The following WIPI2 variants were observed in gnomAD, a reference collection of about 807,000 sequenced individuals.
WIPI2 encodes the protein WD repeat domain phosphoinositide-interacting protein 2.
In WIPI2, 28 loss-of-function variants were observed where a neutral mutation model predicts 52.3. That is an observed-to-expected ratio of 0.54 (90% CI 0.40 to 0.73). The LOEUF is 0.73. Ranked by LOEUF, WIPI2 falls within the 30% of genes least tolerant of loss-of-function variation. The probability of loss-of-function intolerance (pLI) is 0.00; values close to 1 mark genes in which losing one functional copy is unlikely to be tolerated. For missense variants in WIPI2, 506 were observed against 602.9 expected, an observed-to-expected ratio of 0.84 and a Z score of 1.68; for synonymous variants, 268 against 245.0, an observed-to-expected ratio of 1.09 and a Z score of -0.88.
intron 3 of WIPI2, among the ~76,000 whole-genome samples, chr7:5,209,572 G>C (rs185578513): frequency 6.6e-6 from 1 of 152,276 alleles, no homozygotes; most frequent in Admixed American, 6.5e-5. Flanking sequence ...AGTTGAATTG[G>C]AATTTATCAC....
rs1248400441 is a variant in WIPI2, at chr7:5,227,005, C to T, written c.849-175C>T. On this transcript the variant is annotated intron_variant, in intron 9 of 12. Coordinates refer to ENST00000288828, the MANE Select transcript of WIPI2 (RefSeq NM_015610.4). The surrounding 1 kb of genome is among the most constrained non-coding windows in gnomAD (Gnocchi z 8.1). ...CTCCCCCGACACCTCCCAGAGGAAG[C>T]TCCGTGATGCCCCTGGGGCCCTGAG... 1 of 815,486 alleles carries T rather than the reference C, an allele frequency of 1.2e-6. No individual in the cohort carries two copies. The highest frequency in any genetic ancestry group is 2.6e-5 in the East Asian group (1 of 38,140). 50.5% of individuals were successfully genotyped at this position (815,486 alleles called of 1,614,324 possible).
intron 2 of WIPI2, 102 bp from the exon 3 acceptor site, chr7:5,199,474 C>T (rs992010253): frequency 8.6e-5 from 81 of 937,944 alleles, no homozygotes; most frequent in Non-Finnish European, 1.1e-4. Flanking sequence ...GGAGGGCACG[C>T]GGGGAACTTG....
Position 5,230,863 on chromosome 7 carries a change from T to C in WIPI2, c.1281T>C (p.Gly427=), listed in dbSNP as rs766679935. Residue 427 remains glycine (G), a synonymous_variant, in exon 13 of 13, where the codon GGT becomes GGC. Transcript: ENST00000288828. This position sits in a 1 kb window ranked among gnomAD's most constrained non-coding sequence, Gnocchi z 4.8. ...ACACAGACGACCTGGGTGCTGTGGG[T>C]GGCGCCTGCCTGGAGGACGAGGCCA... ...LAYTDDLGAV[G]GACLEDEASA... The C allele has an allele frequency of 1.2e-6, 2 of 1,613,894 alleles. No homozygotes were observed. The highest frequency in any genetic ancestry group is 3.3e-5 in the Admixed American group (2 of 59,998).
At chr7:5,198,988 A>G (rs1003837482) in intron 2 of WIPI2, among the ~76,000 whole-genome samples, 13 of 152,220 alleles carry the variant, frequency 8.5e-5, no homozygotes, top group African/African-American at 2.9e-4. Flanking sequence ...AACTACAGTT[A>G]CTATCCTGTA....
intron 7 of WIPI2, among the ~76,000 whole-genome samples, chr7:5,222,196 G>T (rs961880132): frequency 4.6e-5 from 7 of 152,154 alleles, no homozygotes; most frequent in African/African-American, 1.7e-4. Context: ...TGATCTGCCC[G>T]CCTCGGCCTC....
rs1472058041 is a variant in WIPI2, at chr7:5,193,148, T to C, written c.105T>C (p.Gly35=). ...TGAAAGGGGCATCAAGAGCAGCTGG[T>C]CTTGGCCGTCGCGCTGTTGTCTGGT... is the stretch of plus-strand genomic sequence containing the variant. ...TEVKGASRAA[G]LGRRAVVWSL... Residue 35 remains glycine (G), a synonymous_variant, in exon 2 of 13, where the codon GGT becomes GGC. Transcript: ENST00000288828. 1 of 1,614,006 alleles carries C rather than the reference T, an allele frequency of 6.2e-7. No homozygotes were observed. Among genetic ancestry groups the C allele is most frequent in the South Asian group, 1.1e-5 (1 of 91,078 alleles).
chr7:5,201,047 A>T (rs1014252877), intron 3 of WIPI2, among the ~76,000 whole-genome samples: 2 of 152,216 alleles, frequency 1.3e-5, no homozygotes, highest in African/African-American at 2.4e-5. Flanking sequence ...GGGCGATAAC[A>T]TAGGTGTGAG....
Position 5,193,104 on chromosome 7 carries a change from GT to G in WIPI2, c.75-7del. On this transcript the variant is annotated splice_polypyrimidine_tract_variant and intron_variant, in intron 1 of 12. Transcript: ENST00000288828. ...TACCATTTGTTTTTTGTTTTGTTTT[GT>G]TTTTTTACCTAGAGAAGTGAAAGGG... The G allele has an allele frequency of 3.7e-6, 6 of 1,611,410 alleles. No homozygotes were observed. The highest frequency in any genetic ancestry group is 5.1e-6 in the Non-Finnish European group (6 of 1,178,446).
chr7:5,228,260 G>GC (rs1440476800), intron 11 of WIPI2, 49 bp downstream of exon 11: 1 of 1,506,828 alleles, frequency 6.6e-7, no homozygotes, highest in Non-Finnish European at 8.9e-7. Context: ...CTGGCGGGGG[G>GC]CTTTCGGGGC....
intron 10 of WIPI2, 34 bp from the exon 11 acceptor site, chr7:5,228,070 T>G: frequency 6.2e-7 from 1 of 1,603,274 alleles, no homozygotes; most frequent in South Asian, 1.1e-5. Context: ...CTGTGACAGT[T>G]GTCTAGAATT....
rs1049055210 is a variant in WIPI2, at chr7:5,190,382, G to T, written c.-38G>T. ...CAGCCTGACCCGCCCTCGCGCGCGC[G>T]CCCTCCCCGGCCGGGCCCACTCGCC... On this transcript the variant is annotated 5_prime_UTR_variant, in exon 1 of 13. Transcript: ENST00000288828. 2 of 1,314,708 alleles carry T rather than the reference G, an allele frequency of 1.5e-6. No homozygotes were observed. The highest frequency in any genetic ancestry group is 4.2e-5 in the Admixed American group (1 of 23,966). The allele number at this position is 1,314,708 out of a possible 1,614,324, so 81.4% of individuals were successfully genotyped here.
At chr7:5,193,043 C>T in intron 1 of WIPI2, 75 bp from the exon 2 acceptor site, 1 of 1,411,422 alleles carries the variant, frequency 7.1e-7, no homozygotes, top group Admixed American at 1.7e-5. Context: ...TTCATGATTC[C>T]TATCCTAAAA....
intron 7 of WIPI2, 42 bp downstream of exon 7, chr7:5,218,056 T>C (rs1382491636): frequency 6.2e-7 from 1 of 1,601,262 alleles, no homozygotes; most frequent in East Asian, 2.2e-5. Flanking sequence ...TGCCAAGGCG[T>C]CCACAGACTT....
Position 5,232,484 on chromosome 7 carries a change from C to A in WIPI2, c.*1537C>A, listed in dbSNP as rs1783772225. 2 of 396,908 alleles carry A rather than the reference C, an allele frequency of 5.0e-6. No individual in the cohort carries two copies. Among genetic ancestry groups the A allele is most frequent in the Non-Finnish European group, 8.9e-6 (2 of 225,584 alleles). The allele number at this position is 396,908 out of a possible 1,614,324, so 24.6% of individuals were successfully genotyped here. A position where few individuals can be genotyped will look rare whatever the true frequency, so the allele number is the denominator to read the frequency against. On this transcript the variant is annotated 3_prime_UTR_variant, in exon 13 of 13. Transcript: ENST00000288828. ...TGCATTAGGCAGAGGTGCAAGTGGG[C>A]TGATTGAACTTTTCCTTCAAAACCT...
chr7:5,214,452 G>C, intron 3 of WIPI2, 83 bp from the exon 4 acceptor site: 2 of 1,613,530 alleles, frequency 1.2e-6, no homozygotes, highest in Non-Finnish European at 1.7e-6. Context: ...GCCCAGGCAG[G>C]TGTTTGTTTT....
At chr7:5,216,293 C>A (rs6463319) in intron 4 of WIPI2, 70 of 293,264 alleles carry the variant, frequency 2.4e-4, no homozygotes, top group Non-Finnish European at 4.1e-4. Context: ...TTAGCCAGGC[C>A]TGGTGGCAGT....
At chr7:5,211,710 G>A (rs1475034778) in intron 3 of WIPI2, among the ~76,000 whole-genome samples, 2 of 152,194 alleles carry the variant, frequency 1.3e-5, no homozygotes, top group Non-Finnish European at 2.9e-5. Flanking sequence ...AACCAGTTTT[G>A]TGTATACCAG....
At chr7:5,226,715 T>C (rs1419525368) in intron 9 of WIPI2, 1 of 154,728 alleles carries the variant, frequency 6.5e-6, no homozygotes, top group Non-Finnish European at 1.4e-5. Context: ...GTTGGGTATA[T>C]TTCATCACAA....
At chr7:5,214,491 C>A (rs776979831) in intron 3 of WIPI2, 44 bp from the exon 4 acceptor site, 4 of 1,614,004 alleles carry the variant, frequency 2.5e-6, no homozygotes, top group South Asian at 1.1e-5. Flanking sequence ...GTGGCCATAG[C>A]CATGTGGAGA....
Sources: allele counts gnomAD v4.1 joint callset (sites outside exome capture counted in the v4.1 genomes callset), GRCh38; gene constraint gnomAD v4.1.1; non-coding constraint Gnocchi (gnomAD v3.1); transcripts MANE v1.5; gene names NCBI Gene and HGNC (gene_info 2026-07-23, HGNC 2026-07-21).